The following TMEM178B variants were observed in gnomAD, a reference collection of about 807,000 sequenced individuals.
TMEM178B encodes transmembrane protein 178B.
In TMEM178B, 5 loss-of-function variants were observed where a neutral mutation model predicts 31.0. The observed-to-expected ratio is 0.16, with a 90% CI of 0.08 to 0.34. The LOEUF (loss-of-function observed/expected upper bound fraction) is 0.34. TMEM178B is among the 10% of genes least tolerant of loss of function. The pLI is 1.00. For synonymous variants in TMEM178B, 164 were observed against 164.0 expected, an observed-to-expected ratio of 1.00 and a Z score of 0.00; for missense variants, 275 against 400.3, an observed-to-expected ratio of 0.69 and a Z score of 2.67.
intron 2 of TMEM178B, among the ~76,000 whole-genome samples, chr7:141,351,366 A>G (rs1799718370): frequency 6.6e-6 from 1 of 152,266 alleles, no homozygotes; most frequent in Non-Finnish European, 1.5e-5. Flanking sequence ...CTGGCCTAGA[A>G]TGGCCTTAGC....
chr7:141,117,493 G>A (rs1412434709), intron 1 of TMEM178B, among the ~76,000 whole-genome samples: 1 of 152,118 alleles, frequency 6.6e-6, no homozygotes, highest in African/African-American at 2.4e-5. Flanking sequence ...CTTTTGTTGT[G>A]CAGAAGCTCT....
intron 2 of TMEM178B, among the ~76,000 whole-genome samples, chr7:141,396,498 G>A (rs1024498096): frequency 6.6e-6 from 1 of 151,452 alleles, no homozygotes; most frequent in Non-Finnish European, 1.5e-5. Flanking sequence ...GGCTCAACGG[G>A]TCTGGGCCTC....
At chr7:141,296,630 ACTT>A (rs768369553) in intron 2 of TMEM178B, among the ~76,000 whole-genome samples, 9 of 152,092 alleles carry the variant, frequency 5.9e-5, no homozygotes, top group South Asian at 2.1e-4. Flanking sequence ...TCTTTTAAAA[ACTT>A]CTTATTTTGA....
At chr7:141,402,977 A>G (rs1247009508) in intron 2 of TMEM178B, among the ~76,000 whole-genome samples, 1 of 152,212 alleles carries the variant, frequency 6.6e-6, no homozygotes, top group Admixed American at 6.5e-5. Context: ...AATCCTATGG[A>G]AGCAGGCCCC....
intron 2 of TMEM178B, among the ~76,000 whole-genome samples, chr7:141,245,119 C>G (rs1797704137): frequency 7.7e-6 from 1 of 129,464 alleles, no homozygotes; most frequent in African/African-American, 2.9e-5. Context: ...GCCGAGATCG[C>G]ACCACTGGAC....
chr7:141,206,512 C>T (rs562285296), intron 1 of TMEM178B, among the ~76,000 whole-genome samples: 43 of 152,238 alleles, frequency 2.8e-4, no homozygotes, highest in Admixed American at 9.8e-4. Context: ...GAGGAACTGA[C>T]GGGAGATTGA....
rs185452276 is a variant in TMEM178B at position 141,461,272 on chromosome 7, C to T, written c.635-9264C>T. ...TGTTTCTGCAGAGCCTGCCTTGCAGCGACCTGTAGGGCTCCAGTCAGAACA... is the reference window on the plus strand; with the variant it reads ...TGTTTCTGCAGAGCCTGCCTTGCAGTGACCTGTAGGGCTCCAGTCAGAACA... On this transcript the variant is annotated intron_variant, in intron 3 of 3. Transcript: ENST00000565468. The surrounding 1 kb of genome is among the most constrained non-coding windows in gnomAD (Gnocchi z 4.0). Among the ~76,000 whole-genome samples, 2 of 152,300 alleles carry T rather than the reference C, an allele frequency of 1.3e-5. No individual in the cohort carries two copies. The highest frequency in any genetic ancestry group is 1.5e-5 in the Non-Finnish European group (1 of 68,016).
At chr7:141,301,247 G>A (rs4726447) in intron 2 of TMEM178B, among the ~76,000 whole-genome samples, 65,003 of 152,050 alleles carry the variant, frequency 0.43, 14,182 homozygotes, top group East Asian at 0.61. Context: ...CTTCTGTTAC[G>A]TTTATGGGGT....
chr7:141,349,616 G>A (rs1421504515), intron 2 of TMEM178B, among the ~76,000 whole-genome samples: 1 of 152,148 alleles, frequency 6.6e-6, no homozygotes, highest in African/African-American at 2.4e-5. Context: ...AAAACAAATA[G>A]GTCAATTATC....
intron 1 of TMEM178B, among the ~76,000 whole-genome samples, chr7:141,165,407 G>A (rs1563105179): frequency 6.6e-6 from 1 of 152,160 alleles, no homozygotes; most frequent in Non-Finnish European, 1.5e-5. Flanking sequence ...AGGTTTTGGG[G>A]AGAATTTCAC....
intron 2 of TMEM178B, among the ~76,000 whole-genome samples, chr7:141,310,664 C>G (rs547807325): frequency 4.6e-4 from 70 of 152,114 alleles, no homozygotes; most frequent in Non-Finnish European, 8.8e-4. Context: ...CAGAAGCTGG[C>G]GAGGCTGTGG....
At chr7:141,234,621 A>G (rs1209639537) in intron 2 of TMEM178B, among the ~76,000 whole-genome samples, 1 of 152,138 alleles carries the variant, frequency 6.6e-6, no homozygotes, top group African/African-American at 2.4e-5. Context: ...CTCGTGCAGA[A>G]CCTGGTCCGA....
At chr7:141,190,175 A>G (rs1244237003) in intron 1 of TMEM178B, among the ~76,000 whole-genome samples, 2 of 152,220 alleles carry the variant, frequency 1.3e-5, no homozygotes, top group Non-Finnish European at 2.9e-5. Flanking sequence ...TGCACTTAAT[A>G]TACCTAACCT....
chr7:141,215,782 CTTTCTTTCTTT>C (rs879648231), intron 2 of TMEM178B, among the ~76,000 whole-genome samples: 664 of 41,300 alleles, frequency 0.016, 4 homozygotes, highest in Admixed American at 0.021. Context: ...ACTTTCCTTT[CTTTCTTTCTTT>C]CTTTCTTTCT....
chr7:141,310,280 A>G (rs1205094676), intron 2 of TMEM178B, among the ~76,000 whole-genome samples: 1 of 152,182 alleles, frequency 6.6e-6, no homozygotes, highest in East Asian at 1.9e-4. Context: ...ACATGAATAG[A>G]CACTTCTCAA....
intron 2 of TMEM178B, among the ~76,000 whole-genome samples, chr7:141,289,773 A>G (rs1798515355): frequency 6.6e-6 from 1 of 151,934 alleles, no homozygotes; most frequent in South Asian, 2.1e-4. Context: ...ATCAAGGTGC[A>G]GGGCTTTCAT....
chr7:141,456,005 A>G (rs1360064010), intron 3 of TMEM178B, among the ~76,000 whole-genome samples: 1 of 152,208 alleles, frequency 6.6e-6, no homozygotes, highest in East Asian at 1.9e-4. Context: ...AGACACTTAA[A>G]CAGCTGGGGC....
At chr7:141,245,180 A>G (rs1797706598) in intron 2 of TMEM178B, among the ~76,000 whole-genome samples, 1 of 108,178 alleles carries the variant, frequency 9.2e-6, no homozygotes, top group Admixed American at 1.1e-4. Flanking sequence ...CAAAAAAAAA[A>G]AAAAAAAAAA....
At chr7:141,133,622 G>A (rs1010836657) in intron 1 of TMEM178B, among the ~76,000 whole-genome samples, 5 of 152,126 alleles carry the variant, frequency 3.3e-5, no homozygotes, top group African/African-American at 1.2e-4. Flanking sequence ...TTTGAATTTT[G>A]AAAGTTTCAG....
Sources: gnomAD v4.1 joint callset for allele counts (sites outside exome capture counted in the v4.1 genomes callset) on GRCh38, gnomAD v4.1.1 for gene constraint, Gnocchi (gnomAD v3.1) non-coding constraint, MANE v1.5 for transcripts, NCBI Gene and HGNC (gene_info 2026-07-23, HGNC 2026-07-21) for gene names.